Variants in CUL2 observed in about 807,000 individuals in gnomAD.
The protein encoded by CUL2 is cullin 2.
A neutral mutation model predicts 110.2 loss-of-function variants in CUL2; 22 were observed. That is an observed-to-expected ratio of 0.20 (90% CI 0.14 to 0.28). CUL2 has a LOEUF of 0.28. CUL2 is among the 10% of genes least tolerant of loss of function. The pLI is 1.00. For synonymous variants in CUL2, 279 were observed against 293.2 expected (o/e 0.95, Z 0.49); for missense variants, 631 against 905.5 (o/e 0.70, Z 3.89).
At chr10:35,023,068 CT>C (rs1197267951) in intron 17 of CUL2, among the ~76,000 whole-genome samples, 1 of 152,030 alleles carries the variant, frequency 6.6e-6, no homozygotes, top group Non-Finnish European at 1.5e-5. Flanking sequence ...AAGAAAATTG[CT>C]GTGACAGTAA....
At chr10:35,029,456 G>A (rs1039023052) in intron 15 of CUL2, 32 bp downstream of exon 15, 7 of 1,382,912 alleles carry the variant, frequency 5.1e-6, no homozygotes, top group Non-Finnish European at 6.8e-6. Context: ...GAAATGATTA[G>A]TAAATGCTCA....
At chr10:35,029,749 T>C (rs1193081737) in intron 14 of CUL2, 109 bp from the exon 15 acceptor site, 3 of 710,666 alleles carry the variant, frequency 4.2e-6, no homozygotes, top group Non-Finnish European at 2.2e-6. Flanking sequence ...GGTTCTTGCA[T>C]ATACACTTAT....
At chr10:35,029,390 T>G in intron 15 of CUL2, 98 bp downstream of exon 15, 5 of 872,116 alleles carry the variant, frequency 5.7e-6, no homozygotes, top group Non-Finnish European at 8.2e-6. Context: ...CACAATCTAC[T>G]CACAGAACCA....
chr10:35,056,688 A>G (rs1366752793), intron 4 of CUL2, among the ~76,000 whole-genome samples: 2 of 152,308 alleles, frequency 1.3e-5, no homozygotes, highest in East Asian at 1.9e-4. Context: ...ACAAACAAAT[A>G]TAAGATTTCG....
upstream of CUL2, among the ~76,000 whole-genome samples, chr10:35,092,014 C>A (rs1294012220): frequency 1.3e-5 from 2 of 152,104 alleles, no homozygotes; most frequent in Admixed American, 1.3e-4. Flanking sequence ...GTGCAGTGGC[C>A]TGATCATAGC....
At position 35,026,897 on chromosome 10, in the gene CUL2, A is replaced by G. The variant is rs1229105828; in HGVS notation, c.1618-1699T>C. Reference sequence around the variant, plus strand: ...TGTGCACAATGTGCAGGTTAGTTACATATGCATACATGTGCCATGCTGGTG... The same window carrying G: ...TGTGCACAATGTGCAGGTTAGTTACGTATGCATACATGTGCCATGCTGGTG... On this transcript the variant is annotated intron_variant, in intron 16 of 20. Transcript: ENST00000374749. Among the ~76,000 whole-genome samples the G allele has an allele frequency of 4.6e-5, 7 of 152,076 alleles. No homozygotes were observed. In the East Asian group the frequency reaches 9.6e-4, roughly 21 times the overall value.
At chr10:35,114,355 G>A (rs2087564438) in intron 1 of CUL2, among the ~76,000 whole-genome samples, 1 of 151,764 alleles carries the variant, frequency 6.6e-6, no homozygotes, top group African/African-American at 2.4e-5. Context: ...GTGAGGCACC[G>A]CCCCCAGCTG....
chr10:35,036,519 C>T (rs777556244), intron 9 of CUL2, among the ~76,000 whole-genome samples: 4 of 152,106 alleles, frequency 2.6e-5, no homozygotes, highest in Non-Finnish European at 4.4e-5. Context: ...TCCCACTTAG[C>T]GGTCAGTGCC....
At chr10:35,107,511 G>A (rs2135121994) in intron 1 of CUL2, among the ~76,000 whole-genome samples, 1 of 152,194 alleles carries the variant, frequency 6.6e-6, no homozygotes, top group South Asian at 2.1e-4. Context: ...GTCCTTTAAT[G>A]TTGTTGTATC....
intron 1 of CUL2, among the ~76,000 whole-genome samples, chr10:35,109,538 G>A (rs2087502957): frequency 6.6e-6 from 1 of 152,204 alleles, no homozygotes; most frequent in African/African-American, 2.4e-5. Flanking sequence ...ATAAAGTGAT[G>A]GGGGATACTA....
chr10:35,041,210 T>C (rs2085777919), intron 8 of CUL2, among the ~76,000 whole-genome samples: 1 of 152,262 alleles, frequency 6.6e-6, no homozygotes, highest in South Asian at 2.1e-4. Flanking sequence ...GTGACTTTAA[T>C]CTGCTTGCCA....
chr10:35,024,510 A>AG (rs764327074), intron 17 of CUL2, among the ~76,000 whole-genome samples: 44 of 152,226 alleles, frequency 2.9e-4, no homozygotes, highest in Non-Finnish European at 5.1e-4. Flanking sequence ...TAGCAAAAAA[A>AG]GAGAAAATTC....
At chr10:35,093,659 C>CAAAAAAAAAAAAA (rs58582764), upstream of CUL2, among the ~76,000 whole-genome samples, 21 of 87,772 alleles carry the variant, frequency 2.4e-4, no homozygotes, top group African/African-American at 4.0e-4. Context: ...GACCTTCTCT[C>CAAAAAAAAAAAAA]AAAAAAAAAA....
intron 11 of CUL2, among the ~76,000 whole-genome samples, chr10:35,032,705 C>T (rs529050522): frequency 6.6e-6 from 1 of 152,060 alleles, no homozygotes; most frequent in Non-Finnish European, 1.5e-5. Context: ...TGTTGCTATT[C>T]CAAGATATTC....
intron 8 of CUL2, 74 bp from the exon 9 acceptor site, chr10:35,039,156 ACTCAG>A: frequency 1.1e-6 from 1 of 937,748 alleles, no homozygotes; most frequent in Non-Finnish European, 1.5e-6. Flanking sequence ...TCAGCAAGTA[ACTCAG>A]CCAAATTTTA....
intron 2 of CUL2, chr10:35,098,033 G>T (rs925511281): frequency 6.6e-6 from 1 of 152,064 alleles, no homozygotes; most frequent in Non-Finnish European, 1.5e-5. Context: ...AATCGGAAAA[G>T]CTCAGAACTC....
At chr10:35,098,036 C>G (rs1163363718) in intron 2 of CUL2, 1 of 152,006 alleles carries the variant, frequency 6.6e-6, no homozygotes, top group African/African-American at 2.4e-5. Context: ...CGGAAAAGCT[C>G]AGAACTCATA....
At chr10:35,084,422 A>G (rs2087013040) in intron 1 of CUL2, among the ~76,000 whole-genome samples, 1 of 152,230 alleles carries the variant, frequency 6.6e-6, no homozygotes, top group Non-Finnish European at 1.5e-5. Flanking sequence ...TACAGATCCA[A>G]CACCACAATC....
At chr10:35,017,151 G>A (rs575350138) in intron 17 of CUL2, among the ~76,000 whole-genome samples, 1 of 152,110 alleles carries the variant, frequency 6.6e-6, no homozygotes, top group African/African-American at 2.4e-5. Context: ...ACAGCCACAT[G>A]GAAAATGCTT....
Sources: allele counts gnomAD v4.1 joint callset (sites outside exome capture counted in the v4.1 genomes callset), GRCh38; gene constraint gnomAD v4.1.1; transcripts MANE v1.5; gene names NCBI Gene and HGNC (gene_info 2026-07-23, HGNC 2026-07-21).